Variants in ZNF442 observed in about 807,000 individuals in gnomAD.
ZNF442 encodes the protein zinc finger protein 442.
A neutral mutation model predicts 57.0 loss-of-function variants in ZNF442; 45 were observed. That is an observed-to-expected ratio of 0.79 (90% CI 0.62 to 1.01). The LOEUF is 1.01. Among genes scored for constraint, ZNF442 ranks in the 50% least tolerant of loss-of-function variants. ZNF442 has a pLI of 0.00. For synonymous variants in ZNF442, 213 were observed against 241.8 expected (o/e 0.88, Z 1.10); for missense variants, 690 against 756.5 (o/e 0.91, Z 1.03).
chr19:12,348,461 G>A lies in ZNF442; in HGVS notation c.*1240C>T, dbSNP rs969854486. The A allele has an allele frequency of 2.0e-5, 3 of 152,168 alleles. No homozygotes were observed. The highest frequency in any genetic ancestry group is 1.5e-5 in the Non-Finnish European group (1 of 68,034). The allele number at this position is 152,168 out of a possible 1,614,324, so 9.4% of individuals were successfully genotyped here. A position where few individuals can be genotyped will look rare whatever the true frequency, so the allele number is the denominator to read the frequency against. On this transcript the variant is annotated 3_prime_UTR_variant, in exon 6 of 6. Transcript: ENST00000242804. ...AAGGGATAACATGCCAACAAACACT[G>A]CAAGGATATTTAAAGAAAAAGAACC... is the stretch of plus-strand genomic sequence containing the variant.
At chr19:12,368,161 C>T (rs1344847274), upstream of ZNF442, among the ~76,000 whole-genome samples, 1 of 152,124 alleles carries the variant, frequency 6.6e-6, no homozygotes, top group African/African-American at 2.4e-5. Flanking sequence ...TTTCAGGGTG[C>T]ACTGATTTCA....
upstream of ZNF442, among the ~76,000 whole-genome samples, chr19:12,368,137 G>A (rs1969553135): frequency 6.6e-6 from 1 of 152,092 alleles, no homozygotes; most frequent in Non-Finnish European, 1.5e-5. Context: ...GAAAATCGCT[G>A]TTATTCTATT....
chr19:12,348,127 C>A lies in ZNF442; in HGVS notation c.*1574G>T, dbSNP rs1208677247. ...TGGGAGGCCGAGGCAGGTGGATCAC[C>A]TGAGGTCAGGAGTTCGAGACCAGCC... On this transcript the variant is annotated 3_prime_UTR_variant, in exon 6 of 6. Coordinates refer to ENST00000242804, the MANE Select transcript of ZNF442 (RefSeq NM_030824.3). The A allele has an allele frequency of 1.3e-5, 2 of 151,990 alleles. No individual in the cohort carries two copies. The highest frequency in any genetic ancestry group is 4.8e-5 in the African/African-American group (2 of 41,368). The allele number at this position is 151,990 out of a possible 1,614,324, so 9.4% of individuals were successfully genotyped here.
chr19:12,357,390 C>T lies in ZNF442; in HGVS notation c.79-4276G>A, dbSNP rs571663667. Among the ~76,000 whole-genome samples the T allele has an allele frequency of 8.2e-5, 11 of 134,876 alleles. No individual in the cohort carries two copies. The East Asian group carries it at 1.1e-3, about 13-fold the overall frequency. 88.5% of individuals were successfully genotyped at this position (134,876 alleles called of 152,430 possible). On this transcript the variant is annotated intron_variant, in intron 3 of 5. Coordinates refer to ENST00000242804, the MANE Select transcript of ZNF442 (RefSeq NM_030824.3). Reference sequence around the variant, plus strand: ...TTTTTTGGACAGAGTCTCGCTCTGCCGCCCAGGCTGGAGCGCAATGGTGCA... The same window carrying T: ...TTTTTTGGACAGAGTCTCGCTCTGCTGCCCAGGCTGGAGCGCAATGGTGCA...
At chr19:12,371,624 G>C in the ZNF442 span, among the ~76,000 whole-genome samples, 1 of 152,072 alleles carries the variant, frequency 6.6e-6, no homozygotes, top group African/African-American at 2.4e-5. Context: ...GAATAGAATG[G>C]AGTCCAGAAA....
Position 12,349,611 on chromosome 19 carries a change from A to G in ZNF442, c.*90T>C. ...TTCAAAAGAAACATCTTAAGGCTTT[A>G]CCATGTGTTTGCATTCATGAGGCTT... On this transcript the variant is annotated 3_prime_UTR_variant, in exon 6 of 6. Coordinates refer to ENST00000242804, the MANE Select transcript of ZNF442 (RefSeq NM_030824.3). 1 of 1,321,840 alleles carries G rather than the reference A, an allele frequency of 7.6e-7. No individual in the cohort carries two copies. 81.9% of individuals were successfully genotyped at this position (1,321,840 alleles called of 1,614,324 possible).
At chr19:12,363,507 T>C in intron 3 of ZNF442, 47 bp downstream of exon 3, 1 of 1,584,202 alleles carries the variant, frequency 6.3e-7, no homozygotes, top group Non-Finnish European at 8.7e-7. Flanking sequence ...CTGACCTGAA[T>C]GGGAGGTTCT....
rs1351235377 is a variant in ZNF442 at position 12,365,645 on chromosome 19, G to C, written c.-595C>G. ...CCTGCCAGGGCTTCTCTCAGCTACA[G>C]AGCCAGGAGCGGGAGCTCAGAGGGG... On this transcript the variant is annotated 5_prime_UTR_variant, in exon 1 of 6. Coordinates refer to ENST00000242804, the MANE Select transcript of ZNF442 (RefSeq NM_030824.3). 1 of 235,500 alleles carries C rather than the reference G, an allele frequency of 4.2e-6. No individual in the cohort carries two copies. Among genetic ancestry groups the C allele is most frequent in the African/African-American group, 2.3e-5 (1 of 43,114 alleles). 14.6% of individuals were successfully genotyped at this position (235,500 alleles called of 1,614,324 possible).
At chr19:12,360,026 G>A (rs1217613840) in intron 3 of ZNF442, among the ~76,000 whole-genome samples, 5 of 151,420 alleles carry the variant, frequency 3.3e-5, no homozygotes, top group East Asian at 1.9e-4. Context: ...CCTCCCCTTC[G>A]CATCTTCCTT....
At position 12,354,641 on chromosome 19, in the gene ZNF442, G is replaced by A. The variant is rs2144822901; in HGVS notation, c.79-1527C>T. 1.3e-5 allele frequency among the ~76,000 whole-genome samples: 2 copies of A among 152,130 alleles called. 1 individual carries two copies. Among genetic ancestry groups the A allele is most frequent in the Admixed American group, 1.3e-4 (2 of 15,278 alleles). Reference sequence around the variant, plus strand: ...GCTGGAGTGCCCTGGCACGATCTTGGCTCACTGCAGTCTCTGTCTCCCAGG... The same window carrying A: ...GCTGGAGTGCCCTGGCACGATCTTGACTCACTGCAGTCTCTGTCTCCCAGG... On this transcript the variant is annotated intron_variant, in intron 3 of 5. Coordinates refer to ENST00000242804, the MANE Select transcript of ZNF442 (RefSeq NM_030824.3).
intron 1 of ZNF442, 145 bp from the exon 2 acceptor site, chr19:12,365,388 G>A (rs1483092497): frequency 4.3e-6 from 1 of 234,854 alleles, no homozygotes; most frequent in Non-Finnish European, 8.7e-6. Flanking sequence ...CGGCCGAGGG[G>A]ACTGAAGGCC....
At chr19:12,369,138 A>T (rs983102696), upstream of ZNF442, among the ~76,000 whole-genome samples, 8 of 151,970 alleles carry the variant, frequency 5.3e-5, no homozygotes, top group African/African-American at 1.9e-4. Flanking sequence ...AGCAGGATTT[A>T]TTTTCTGGCC....
At chr19:12,366,391 G>A (rs1258928229), upstream of ZNF442, among the ~76,000 whole-genome samples, 1 of 152,164 alleles carries the variant, frequency 6.6e-6, no homozygotes, top group Admixed American at 6.5e-5. Flanking sequence ...TCTGACTCCT[G>A]AAGTTGAGTC....
chr19:12,353,529 A>G (rs181262406), intron 3 of ZNF442, among the ~76,000 whole-genome samples: 1 of 152,330 alleles, frequency 6.6e-6, no homozygotes, highest in East Asian at 1.9e-4. Context: ...CACTGGATTT[A>G]TAGAGGGTCT....
chr19:12,351,404 A>G lies in ZNF442; in HGVS notation c.267-86T>C, dbSNP rs1348058722. On this transcript the variant is annotated intron_variant, in intron 5 of 5. Coordinates refer to ENST00000242804, the MANE Select transcript of ZNF442 (RefSeq NM_030824.3). ...GTAGGTACTGGATTTACATTTTTAC[A>G]TCATCATGCAACGTGTAGGCTTCAT... 14 of 1,260,564 alleles carry G rather than the reference A, an allele frequency of 1.1e-5. No individual in the cohort carries two copies. In the Admixed American group the frequency reaches 3.5e-4, roughly 31 times the overall value. The allele number at this position is 1,260,564 out of a possible 1,614,324, so 78.1% of individuals were successfully genotyped here.
chr19:12,349,823 G>A lies in ZNF442; in HGVS notation c.1762C>T (p.Arg588Ter), dbSNP rs147649018. 20 of 1,613,360 alleles carry A rather than the reference G, an allele frequency of 1.2e-5. No individual in the cohort carries two copies. In the Admixed American group the frequency reaches 1.8e-4, roughly 15 times the overall value. The stretch of plus-strand genomic sequence containing the variant: ...CCAGTGTGAGTTTTTTCATGTCCTC[G>A]AAGGAAACGAGAACGAGTGAAGGCT... ...GKAFTRSRFL[R>*]GHEKTHTGEK... is the part of the protein sequence containing the mutation. The change falls in exon 6 of 6, where the codon CGA becomes TGA. Residue 588 changes from arginine to a stop codon, truncating the protein, a stop_gained. Transcript: ENST00000242804. LOFTEE classifies it high-confidence loss of function.
At chr19:12,354,245 A>G (rs28373659) in intron 3 of ZNF442, among the ~76,000 whole-genome samples, 7,936 of 152,290 alleles carry the variant, frequency 0.052, 689 homozygotes, top group African/African-American at 0.18. Context: ...TTTAGAAGCC[A>G]GCAACAGGTT....
rs80077701 is a variant in ZNF442, at chr19:12,351,380, T to C, written c.267-62A>G. Reference sequence around the variant, plus strand: ...TTATAAATGACTTTATGTTTATTAGTAGGTACTGGATTTACATTTTTACAT... The same window carrying C: ...TTATAAATGACTTTATGTTTATTAGCAGGTACTGGATTTACATTTTTACAT... On this transcript the variant is annotated intron_variant, in intron 5 of 5. Coordinates refer to ENST00000242804, the MANE Select transcript of ZNF442 (RefSeq NM_030824.3). 1,983 of 1,459,922 alleles carry C rather than the reference T, an allele frequency of 1.4e-3. 25 individuals are homozygous for C. The African/African-American group carries it at 0.025, about 18-fold the overall frequency. 90.4% of individuals were successfully genotyped at this position (1,459,922 alleles called of 1,614,324 possible).
intron 5 of ZNF442, 96 bp from the exon 6 acceptor site, chr19:12,351,414 A>T: frequency 1.7e-6 from 2 of 1,144,330 alleles, no homozygotes; most frequent in Non-Finnish European, 2.4e-6. Flanking sequence ...ATCATCATGC[A>T]ACGTGTAGGC....
Sources: allele counts gnomAD v4.1 joint callset (sites outside exome capture counted in the v4.1 genomes callset), GRCh38; gene constraint gnomAD v4.1.1; transcripts MANE v1.5; gene names NCBI Gene and HGNC (gene_info 2026-07-23, HGNC 2026-07-21).